ERC2: variants seen among roughly 807,000 people sequenced by gnomAD.
The protein encoded by ERC2 is ERC protein 2.
In ERC2, 42 loss-of-function variants were observed where a neutral mutation model predicts 114.8. The observed-to-expected ratio is 0.37, with a 90% CI of 0.29 to 0.47. The LOEUF (loss-of-function observed/expected upper bound fraction) is 0.47, where lower values mean the gene tolerates loss of function less well. ERC2 is among the 20% of genes least tolerant of loss of function. The pLI, the probability that ERC2 is intolerant of heterozygous loss-of-function variation, is 0.99. For synonymous variants in ERC2, 454 were observed against 425.5 expected, an observed-to-expected ratio of 1.07 and a Z score of -0.82; for missense variants, 939 against 1,150.7, an observed-to-expected ratio of 0.82 and a Z score of 2.66.
At chr3:56,336,246 T>C (rs1420853101) in intron 2 of ERC2, among the ~76,000 whole-genome samples, 3 of 152,110 alleles carry the variant, frequency 2.0e-5, no homozygotes, top group Non-Finnish European at 2.9e-5. Flanking sequence ...ATATATAAGA[T>C]AGGAAGCATC....
intron 14 of ERC2, among the ~76,000 whole-genome samples, chr3:55,816,295 C>T (rs1442052241): frequency 2.6e-5 from 4 of 152,194 alleles, no homozygotes; most frequent in Non-Finnish European, 4.4e-5. Context: ...CATCTGCTGG[C>T]AAGGCTTGTC....
rs138489852 is a variant in ERC2 at position 55,640,805 on chromosome 3, T to A, written c.*39+42989A>T. On this transcript the variant is annotated intron_variant, in intron 17 of 17. Transcript: ENST00000288221. ...TCTTCAACAAGCCCTGTAGGAGACGTTCTTTTTGCCTGTTCATTACTCAGT... is the reference window on the plus strand; with the variant it reads ...TCTTCAACAAGCCCTGTAGGAGACGATCTTTTTGCCTGTTCATTACTCAGT... Among the ~76,000 whole-genome samples the A allele has an allele frequency of 7.2e-3, 1,100 of 152,312 alleles. 9 individuals are homozygous for A. Among genetic ancestry groups the A allele is most frequent in the Middle Eastern group, 0.014 (4 of 294 alleles).
chr3:56,142,475 C>T (rs2080912857), intron 5 of ERC2, among the ~76,000 whole-genome samples: 1 of 152,036 alleles, frequency 6.6e-6, no homozygotes, highest in Non-Finnish European at 1.5e-5. Flanking sequence ...TATTTCCTTC[C>T]TTCCACTTTC....
intron 8 of ERC2, among the ~76,000 whole-genome samples, chr3:56,014,716 A>C (rs1346004636): frequency 6.6e-6 from 1 of 152,210 alleles, no homozygotes; most frequent in Non-Finnish European, 1.5e-5. Flanking sequence ...TCCTGCCAAG[A>C]ATTCATGACA....
intron 3 of ERC2, among the ~76,000 whole-genome samples, chr3:56,206,180 AAC>A (rs3052731): frequency 0.75 from 111,022 of 148,728 alleles, 42,281 homozygotes; most frequent in South Asian, 0.94. Flanking sequence ...CAGCCAGAAA[AAC>A]ACACACACAC....
chr3:55,602,816 G>T (rs2058467791), intron 17 of ERC2, among the ~76,000 whole-genome samples: 1 of 152,096 alleles, frequency 6.6e-6, no homozygotes, highest in South Asian at 2.1e-4. Flanking sequence ...CTCCTTGCCA[G>T]CTCCAGAGAG....
chr3:56,288,321 A>G (rs1044349559), intron 3 of ERC2, among the ~76,000 whole-genome samples: 1 of 152,160 alleles, frequency 6.6e-6, no homozygotes, highest in Non-Finnish European at 1.5e-5. Flanking sequence ...CACCTAAGGT[A>G]AAGCAGGAGG....
At chr3:55,919,940 A>G (rs1358039321) in intron 13 of ERC2, among the ~76,000 whole-genome samples, 1 of 152,208 alleles carries the variant, frequency 6.6e-6, no homozygotes, top group Non-Finnish European at 1.5e-5. Context: ...TAATGAATAA[A>G]GAAGAAAGTA....
intron 3 of ERC2, among the ~76,000 whole-genome samples, chr3:56,186,018 C>T (rs1029017626): frequency 6.7e-6 from 1 of 148,952 alleles, no homozygotes; most frequent in Non-Finnish European, 1.5e-5. Flanking sequence ...CAGCTGATGA[C>T]CAACAAGGAA....
chr3:55,914,494 C>T (rs1192508085), intron 13 of ERC2, among the ~76,000 whole-genome samples: 2 of 152,160 alleles, frequency 1.3e-5, no homozygotes, highest in East Asian at 1.9e-4. Context: ...TAACATGGTA[C>T]CCACTCCTAC....
chr3:56,355,102 G>T (rs2058693709), intron 2 of ERC2, among the ~76,000 whole-genome samples: 1 of 152,132 alleles, frequency 6.6e-6, no homozygotes, highest in African/African-American at 2.4e-5. Flanking sequence ...GTCCAAAAAT[G>T]ATCCTTTTCT....
intron 17 of ERC2, among the ~76,000 whole-genome samples, chr3:55,520,066 GA>G (rs1160760965): frequency 7.2e-6 from 1 of 139,230 alleles, no homozygotes; most frequent in Non-Finnish European, 1.6e-5. Context: ...AAAAAAAAAG[GA>G]AAAAAAAGGA....
chr3:55,950,288 G>T, intron 13 of ERC2, 137 bp downstream of exon 13: 1 of 1,024,204 alleles, frequency 9.8e-7, no homozygotes, highest in Non-Finnish European at 1.4e-6. Flanking sequence ...AGACCTACTG[G>T]GTTCCCTGTT....
chr3:55,854,589 T>C (rs934647099), intron 14 of ERC2, among the ~76,000 whole-genome samples: 2 of 152,094 alleles, frequency 1.3e-5, no homozygotes, highest in Non-Finnish European at 1.5e-5. Context: ...AAGAGTCTTC[T>C]CGTGTGAAAT....
At chr3:56,412,067 G>C (rs558040647) in intron 2 of ERC2, among the ~76,000 whole-genome samples, 1 of 152,168 alleles carries the variant, frequency 6.6e-6, no homozygotes, top group Non-Finnish European at 1.5e-5. Flanking sequence ...CCTGGATTTA[G>C]GACAAGCCCT....
Position 56,080,939 on chromosome 3 carries a change from T to C in ERC2, c.1519A>G (p.Asn507Asp). The change falls in exon 7 of 18, where the codon AAT becomes GAT. Residue 507 changes from asparagine (N) to aspartate (D), a missense_variant. By Grantham distance (23) the Asn-to-Asp change is conservative. Around this residue, in one of 5 missense-constraint regions of ERC2, gnomAD observed 149 missense variants for 254.6 expected, o/e 0.59. Transcript: ENST00000288221. ...TCCTGTAGCTGTTTTGTTTTTTTAT[T>C]GAGGAAAGATTCTTTTTCTTCCAGT... ...LRLEEKESFL[N>D]KKTKQLQDLT... 1 of 1,613,510 alleles carries C rather than the reference T, an allele frequency of 6.2e-7. No homozygotes were observed. Among genetic ancestry groups the C allele is most frequent in the Non-Finnish European group, 8.5e-7 (1 of 1,179,660 alleles).
At chr3:56,028,092 GT>G (rs748207939) in intron 7 of ERC2, among the ~76,000 whole-genome samples, 1 of 151,978 alleles carries the variant, frequency 6.6e-6, no homozygotes, top group Non-Finnish European at 1.5e-5. Context: ...TTGCACTTTT[GT>G]AAAAAATCAC....
chr3:55,708,726 G>C (rs1026742774), intron 15 of ERC2, among the ~76,000 whole-genome samples: 1 of 150,516 alleles, frequency 6.6e-6, no homozygotes, highest in East Asian at 1.9e-4. Flanking sequence ...TTAACCCAAA[G>C]GTAAAAAGAC....
intron 14 of ERC2, among the ~76,000 whole-genome samples, chr3:55,794,392 A>G (rs1000513360): frequency 2.0e-5 from 3 of 152,156 alleles, no homozygotes; most frequent in African/African-American, 7.2e-5. Context: ...TTGTGGCTAG[A>G]GGAATTATTT....
Sources: allele counts gnomAD v4.1 joint callset (sites outside exome capture counted in the v4.1 genomes callset), GRCh38; gene constraint gnomAD v4.1.1; regional missense constraint gnomAD v4.1.1; transcripts MANE v1.5; gene names NCBI Gene and HGNC (gene_info 2026-07-23, HGNC 2026-07-21).